VAPA: variants seen among roughly 807,000 people sequenced by gnomAD.
The protein encoded by VAPA is vesicle-associated membrane protein-associated protein A.
Under a neutral mutation model 25.6 loss-of-function variants are expected in VAPA, and 6 were observed. The observed-to-expected ratio is 0.23, with a 90% CI of 0.13 to 0.46. VAPA has a LOEUF of 0.46. Among genes scored for constraint, VAPA ranks in the 20% least tolerant of loss-of-function variants. VAPA has a pLI of 0.99. For missense variants in VAPA, 244 were observed against 302.1 expected (o/e 0.81, Z 1.43); for synonymous variants, 112 against 106.2 (o/e 1.05, Z -0.34).
intron 1 of VAPA, chr18:9,924,807 G>A (rs1014721343): frequency 1.3e-5 from 2 of 151,906 alleles, no homozygotes; most frequent in African/African-American, 4.8e-5. Context: ...GATAGAGAGG[G>A]GAAGTGATTT....
intron 4 of VAPA, among the ~76,000 whole-genome samples, chr18:9,940,056 A>G (rs1599110608): frequency 1.3e-5 from 2 of 152,330 alleles, no homozygotes; most frequent in South Asian, 4.1e-4. Context: ...ACAAATGCCA[A>G]AGTTTCTCTT....
chr18:9,947,414 T>C (rs1599116158), intron 4 of VAPA, among the ~76,000 whole-genome samples: 2 of 152,336 alleles, frequency 1.3e-5, no homozygotes, highest in South Asian at 4.1e-4. Context: ...GCCATTATTA[T>C]TGTATGGGAA....
At chr18:9,934,912 G>C (rs1268920905) in intron 2 of VAPA, among the ~76,000 whole-genome samples, 1 of 151,836 alleles carries the variant, frequency 6.6e-6, no homozygotes, top group African/African-American at 2.4e-5. Context: ...GGATAACACG[G>C]TGAAACCCCG....
At chr18:9,941,901 A>G (rs757799812) in intron 4 of VAPA, among the ~76,000 whole-genome samples, 1 of 152,212 alleles carries the variant, frequency 6.6e-6, no homozygotes, top group Non-Finnish European at 1.5e-5. Context: ...TTGGTGATGT[A>G]TTTTTTAAAA....
At chr18:9,930,955 T>C (rs541270126) in intron 1 of VAPA, among the ~76,000 whole-genome samples, 8 of 152,276 alleles carry the variant, frequency 5.3e-5, no homozygotes, top group African/African-American at 1.9e-4. Flanking sequence ...ATGCTTATTC[T>C]TAAGATTGAA....
chr18:9,957,978 C>A lies in VAPA; in HGVS notation c.*3767C>A, dbSNP rs1290853130. ...ATGCCCAGCCGCTCGTGGGTTGGTG[C>A]AAAGAAGTATAAACATATATCACTA... On this transcript the variant is annotated 3_prime_UTR_variant, in exon 6 of 6. Coordinates refer to ENST00000400000, the MANE Select transcript of VAPA (RefSeq NM_194434.3). 1 of 152,182 alleles carries A rather than the reference C, an allele frequency of 6.6e-6. No individual in the cohort carries two copies. The highest frequency in any genetic ancestry group is 1.5e-5 in the Non-Finnish European group (1 of 68,034). The allele number at this position is 152,182 out of a possible 1,614,324, so 9.4% of individuals were successfully genotyped here. A position where few individuals can be genotyped will look rare whatever the true frequency, so the allele number is the denominator to read the frequency against.
intron 4 of VAPA, among the ~76,000 whole-genome samples, chr18:9,939,518 C>CTT (rs77169950): frequency 1.5e-4 from 20 of 133,146 alleles, no homozygotes; most frequent in South Asian, 9.6e-4. Flanking sequence ...CGTTTCCTCT[C>CTT]TTTTTTTTTT....
chr18:9,940,321 T>C (rs1567898400), intron 4 of VAPA, among the ~76,000 whole-genome samples: 2 of 152,138 alleles, frequency 1.3e-5, no homozygotes, highest in Non-Finnish European at 2.9e-5. Flanking sequence ...TCTTGTCTAA[T>C]GTGGCAAGAT....
At chr18:9,934,683 C>T (rs1198024110) in intron 2 of VAPA, among the ~76,000 whole-genome samples, 2 of 152,054 alleles carry the variant, frequency 1.3e-5, no homozygotes, top group South Asian at 2.1e-4. Flanking sequence ...TCTATAATGC[C>T]ATGTACATAT....
At chr18:9,917,980 A>G (rs920274929) in intron 1 of VAPA, among the ~76,000 whole-genome samples, 1 of 151,864 alleles carries the variant, frequency 6.6e-6, no homozygotes, top group African/African-American at 2.4e-5. Flanking sequence ...GTAACTCTCA[A>G]TTGCTCACAG....
At position 9,957,848 on chromosome 18, in the gene VAPA, T is replaced by C. The variant is rs1350439580; in HGVS notation, c.*3637T>C. The C allele has an allele frequency of 1.3e-5, 2 of 152,240 alleles. No individual in the cohort carries two copies. The highest frequency in any genetic ancestry group is 2.9e-5 in the Non-Finnish European group (2 of 68,038). 9.4% of individuals were successfully genotyped at this position (152,240 alleles called of 1,614,324 possible). A position where few individuals can be genotyped will look rare whatever the true frequency, so the allele number is the denominator to read the frequency against. On this transcript the variant is annotated 3_prime_UTR_variant, in exon 6 of 6. Coordinates refer to ENST00000400000, the MANE Select transcript of VAPA (RefSeq NM_194434.3). ...TAGTGAGATGGAGTTAACTATTTTT[T>C]AGTAGGAAGTGAGAACAGCTGATTT...
At chr18:9,946,662 C>G (rs1209843195) in intron 4 of VAPA, among the ~76,000 whole-genome samples, 1 of 151,942 alleles carries the variant, frequency 6.6e-6, no homozygotes, top group Admixed American at 6.6e-5. Flanking sequence ...AGGGCACTTA[C>G]TGTGAATGGA....
chr18:9,915,679 GT>G (rs1189063748), intron 1 of VAPA: 3 of 152,166 alleles, frequency 2.0e-5, no homozygotes, highest in Non-Finnish European at 4.4e-5. Context: ...CAACTACATT[GT>G]TTTCCATAGG....
intron 4 of VAPA, chr18:9,945,089 G>C: frequency 6.3e-7 from 1 of 1,584,924 alleles, no homozygotes; most frequent in African/African-American, 1.4e-5. Context: ...AGACTTAGGA[G>C]TCTACTAGTG....
chr18:9,955,949 T>C lies in VAPA; in HGVS notation c.*1738T>C, dbSNP rs878876786. On this transcript the variant is annotated 3_prime_UTR_variant, in exon 6 of 6. Transcript: ENST00000400000. ...AAAGCATGCTAAAAATAGTCTTATATTTTCACCCCATAAATGCAGAATCAG... is the reference window on the plus strand; with the variant it reads ...AAAGCATGCTAAAAATAGTCTTATACTTTCACCCCATAAATGCAGAATCAG... 2 of 152,208 alleles carry C rather than the reference T, an allele frequency of 1.3e-5. No homozygotes were observed. Among genetic ancestry groups the C allele is most frequent in the South Asian group, 2.1e-4 (1 of 4,824 alleles). The allele number at this position is 152,208 out of a possible 1,614,324, so 9.4% of individuals were successfully genotyped here. A position where few individuals can be genotyped will look rare whatever the true frequency, so the allele number is the denominator to read the frequency against.
chr18:9,949,812 T>G (rs1213546489), intron 4 of VAPA: 12 of 152,594 alleles, frequency 7.9e-5, no homozygotes, highest in Admixed American at 7.9e-4. Context: ...GGGCTCATAG[T>G]CTTCAAAGCA....
At chr18:9,937,733 GA>G (rs2069326197) in intron 4 of VAPA, among the ~76,000 whole-genome samples, 1 of 152,046 alleles carries the variant, frequency 6.6e-6, no homozygotes, top group Non-Finnish European at 1.5e-5. Context: ...AGACTTGAAA[GA>G]TAAATTTTTC....
chr18:9,931,767 T>G (rs1305391618), intron 1 of VAPA, 43 bp from the exon 2 acceptor site: 1 of 1,530,494 alleles, frequency 6.5e-7, no homozygotes, highest in Non-Finnish European at 8.9e-7. Flanking sequence ...TTGTTGAGAA[T>G]CCAATTAAAT....
intron 1 of VAPA, among the ~76,000 whole-genome samples, chr18:9,918,719 GCT>G (rs1430331272): frequency 6.6e-6 from 1 of 151,878 alleles, no homozygotes; most frequent in Non-Finnish European, 1.5e-5. Context: ...TATCTTCCTT[GCT>G]CTCTGCAGGT....
Sources: allele counts gnomAD v4.1 joint callset (sites outside exome capture counted in the v4.1 genomes callset), GRCh38; gene constraint gnomAD v4.1.1; transcripts MANE v1.5; gene names NCBI Gene and HGNC (gene_info 2026-07-23, HGNC 2026-07-21).